The following ABCC1 variants were observed in gnomAD, a reference collection of about 807,000 sequenced individuals.
ABCC1 encodes ATP binding cassette subfamily C member 1 (ABCC1 blood group).
Under a neutral mutation model 172.9 loss-of-function variants are expected in ABCC1, and 83 were observed. The observed-to-expected ratio is 0.48, with a 90% CI of 0.40 to 0.58. The LOEUF (loss-of-function observed/expected upper bound fraction) is 0.58. Ranked by LOEUF, ABCC1 falls within the 20% of genes least tolerant of loss-of-function variation. The pLI is 0.00. For missense variants in ABCC1, 1,817 were observed against 2,002.7 expected (o/e 0.91, Z 1.77); for synonymous variants, 937 against 825.2 (o/e 1.14, Z -2.32).
chr16:15,959,267 G>T (rs1049704452), intron 1 of ABCC1, among the ~76,000 whole-genome samples: 2 of 152,154 alleles, frequency 1.3e-5, no homozygotes, highest in Non-Finnish European at 1.5e-5. Context: ...CATTTTCCCA[G>T]TTGGAGTTGT....
intron 2 of ABCC1, among the ~76,000 whole-genome samples, chr16:16,008,870 C>T (rs1431986317): frequency 7.0e-6 from 1 of 143,410 alleles, no homozygotes; most frequent in South Asian, 2.2e-4. Flanking sequence ...AAAAAAGTTG[C>T]GATGATACCA....
chr16:15,983,587 GCT>G (rs1358964004), intron 1 of ABCC1, among the ~76,000 whole-genome samples: 1 of 123,448 alleles, frequency 8.1e-6, no homozygotes, highest in East Asian at 2.3e-4. Flanking sequence ...AGACAGTCTT[GCT>G]CTGTCTCCCA....
chr16:16,028,447 G>A (rs246239), intron 5 of ABCC1, among the ~76,000 whole-genome samples: 151,433 of 152,152 alleles, frequency 1, 75,367 homozygotes, highest in Middle Eastern at 1. Context: ...ATTGACAGCC[G>A]TGCCCCACCC....
At chr16:15,999,620 GA>G (rs112970544) in intron 1 of ABCC1, among the ~76,000 whole-genome samples, 8,409 of 141,532 alleles carry the variant, frequency 0.059, 501 homozygotes, top group African/African-American at 0.15. Flanking sequence ...CGTCTCAAAA[GA>G]AAAAAAAAAT....
intron 5 of ABCC1, among the ~76,000 whole-genome samples, chr16:16,018,193 G>A (rs532386897): frequency 3.0e-4 from 46 of 152,268 alleles, no homozygotes; most frequent in East Asian, 2.5e-3. Flanking sequence ...TGTGGGTGAC[G>A]AAAGGGCTTG....
intron 27 of ABCC1, among the ~76,000 whole-genome samples, chr16:16,132,193 TTTG>T (rs759636447): frequency 6.6e-4 from 100 of 152,152 alleles, no homozygotes; most frequent in African/African-American, 2.0e-3. Flanking sequence ...TGGAAGATTT[TTTG>T]TTGTTGTTGT....
At chr16:16,071,821 C>T (rs368171013) in intron 14 of ABCC1, 92 bp downstream of exon 14, 1 of 1,228,014 alleles carries the variant, frequency 8.1e-7, no homozygotes. Context: ...CCTTGGCTGC[C>T]CTCAGGTTTG....
Position 16,031,352 on chromosome 16 carries a change from C to T in ABCC1, c.616-1757C>T, listed in dbSNP as rs145721577. On this transcript the variant is annotated intron_variant, in intron 5 of 30. Coordinates refer to ENST00000399410, the MANE Select transcript of ABCC1 (RefSeq NM_004996.4). ...AAGCTTGTGTTTCAGAATTTAGACC[C>T]GGATGCATCCATGTTGAAAGCCAGG... Among the ~76,000 whole-genome samples, 1,172 of 152,270 alleles carry T rather than the reference C, an allele frequency of 7.7e-3. 12 individuals are homozygous for T. Among genetic ancestry groups the T allele is most frequent in the South Asian group, 0.021 (100 of 4,824 alleles).
intron 12 of ABCC1, among the ~76,000 whole-genome samples, chr16:16,060,455 G>C (rs894576732): frequency 6.6e-6 from 1 of 152,112 alleles, no homozygotes; most frequent in Non-Finnish European, 1.5e-5. Flanking sequence ...CCTGCATTCT[G>C]CCTTGTACAT....
At chr16:15,969,229 CTTTA>C (rs1043550927) in intron 1 of ABCC1, among the ~76,000 whole-genome samples, 9 of 152,020 alleles carry the variant, frequency 5.9e-5, no homozygotes, top group African/African-American at 1.7e-4. Context: ...AACATATAGT[CTTTA>C]TTTTTTTGTT....
chr16:16,087,545 C>T (rs1033640604), intron 18 of ABCC1, among the ~76,000 whole-genome samples: 1 of 152,178 alleles, frequency 6.6e-6, no homozygotes, highest in African/African-American at 2.4e-5. Flanking sequence ...GCAACCTCCG[C>T]ATCTCGGGTT....
chr16:16,068,790 C>G (rs1314037342), intron 13 of ABCC1, among the ~76,000 whole-genome samples: 1 of 151,488 alleles, frequency 6.6e-6, no homozygotes. Context: ...AGTTCGAGAC[C>G]AGCCTGGCCA....
intron 20 of ABCC1, among the ~76,000 whole-genome samples, chr16:16,104,652 C>G (rs1476898380): frequency 6.6e-6 from 1 of 152,220 alleles, no homozygotes; most frequent in Non-Finnish European, 1.5e-5. Context: ...GCCTGCCAGT[C>G]CCGTGCCGTG....
In ABCC1 at chr16:16,094,793, G is replaced by A. The variant is rs531104345; in HGVS notation, c.2644+4205G>A. 6.0e-5 allele frequency among the ~76,000 whole-genome samples: 9 copies of A among 149,836 alleles called. No homozygotes were observed. In the South Asian group the frequency reaches 1.5e-3, roughly 25 times the overall value. On this transcript the variant is annotated intron_variant, in intron 19 of 30. Coordinates refer to ENST00000399410, the MANE Select transcript of ABCC1 (RefSeq NM_004996.4). ...GCCTCCCAAAGTGCTGGGATTACAG[G>A]CGTGAGCCACTGCGCCTGGCCTTTT...
intron 1 of ABCC1, among the ~76,000 whole-genome samples, chr16:15,964,612 AATTTAAATAAC>A (rs2046205691): frequency 6.6e-6 from 1 of 151,644 alleles, no homozygotes. Context: ...AATATTTATA[AATTTAAATAAC>A]ATTTAAATCA....
intron 1 of ABCC1, among the ~76,000 whole-genome samples, chr16:16,000,679 T>G (rs950337176): frequency 3.3e-5 from 5 of 152,150 alleles, no homozygotes; most frequent in Non-Finnish European, 5.9e-5. Flanking sequence ...AGGCTGGTCT[T>G]GAACTCCTGG....
intron 23 of ABCC1, among the ~76,000 whole-genome samples, chr16:16,115,982 A>G (rs2044846023): frequency 1.3e-5 from 2 of 151,530 alleles, no homozygotes; most frequent in Non-Finnish European, 2.9e-5. Flanking sequence ...GGCTCACTGC[A>G]AGCTCCACCT....
chr16:16,079,390 T>C lies in ABCC1; in HGVS notation c.2027T>C (p.Val676Ala). Residue 676 changes from valine to alanine, a missense_variant, in exon 16 of 31, where the codon GTG (valine) becomes GCG (alanine). Physicochemically the swap from Val to Ala is moderately conservative, Grantham distance 64. This residue lies in a region of ABCC1 where 1,412 missense variants were observed against 1,600.3 expected (regional missense o/e 0.88). Coordinates refer to ENST00000399410, the MANE Select transcript of ABCC1 (RefSeq NM_004996.4). ...ATCCCCGAAGGTGCTTTGGTGGCCG[T>C]GGTGGGCCAGGTGGGCTGCGGAAAG... ...FSIPEGALVAVVGQVGCGKSS... is the reference protein window; with the variant it reads ...FSIPEGALVAAVGQVGCGKSS... 6.2e-7 allele frequency: 1 copy of C among 1,613,826 alleles called. No individual in the cohort carries two copies. The highest frequency in any genetic ancestry group is 8.5e-7 in the Non-Finnish European group (1 of 1,179,822).
chr16:15,966,754 G>A (rs912221268), intron 1 of ABCC1, among the ~76,000 whole-genome samples: 33 of 150,420 alleles, frequency 2.2e-4, no homozygotes, highest in Non-Finnish European at 1.5e-4. Context: ...GGCCTCAAGC[G>A]ATCTTCCTGC....
Sources: gnomAD v4.1 joint callset for allele counts (sites outside exome capture counted in the v4.1 genomes callset) on GRCh38, gnomAD v4.1.1 for gene constraint, gnomAD v4.1.1 regional missense constraint, MANE v1.5 for transcripts, NCBI Gene and HGNC (gene_info 2026-07-23, HGNC 2026-07-21) for gene names.